The following MTCL1 variants were observed in gnomAD, a reference collection of about 807,000 sequenced individuals.
MTCL1 encodes microtubule crosslinking factor 1.
Under a neutral mutation model 141.4 loss-of-function variants are expected in MTCL1, and 79 were observed. The observed-to-expected ratio is 0.56, with a 90% CI of 0.47 to 0.67. The LOEUF (loss-of-function observed/expected upper bound fraction) is 0.67, where lower values mean the gene tolerates loss of function less well. MTCL1 is among the 30% of genes least tolerant of loss of function. The probability of loss-of-function intolerance (pLI) is 0.00; values close to 1 mark genes in which losing one functional copy is unlikely to be tolerated. For synonymous variants in MTCL1, 914 were observed against 875.8 expected, an observed-to-expected ratio of 1.04 and a Z score of -0.77; for missense variants, 2,177 against 2,113.9, an observed-to-expected ratio of 1.03 and a Z score of -0.59.
chr18:8,786,112 C>G, intron 7 of MTCL1, 21 bp downstream of exon 6: 9 of 1,362,928 alleles, frequency 6.6e-6, no homozygotes, highest in South Asian at 5.1e-5. Context: ...GCAAGCAATC[C>G]CCCCCCCCCG....
At chr18:8,715,790 G>A (rs1307500498), upstream of MTCL1, among the ~76,000 whole-genome samples, 2 of 152,180 alleles carry the variant, frequency 1.3e-5, no homozygotes, top group Admixed American at 1.3e-4. Flanking sequence ...TCTAGGAGTG[G>A]GTAGTGCAGG....
At chr18:8,812,592 G>A (rs1010102712) in intron 11 of MTCL1, among the ~76,000 whole-genome samples, 1 of 152,174 alleles carries the variant, frequency 6.6e-6, no homozygotes, top group East Asian at 1.9e-4. Flanking sequence ...CTGGGTATTT[G>A]ACAAATATTT....
chr18:8,819,442 C>T (rs2076769572), intron 13 of MTCL1, among the ~76,000 whole-genome samples, 183 bp downstream of exon 12: 1 of 152,188 alleles, frequency 6.6e-6, no homozygotes, highest in African/African-American at 2.4e-5. Context: ...CCTAAATTAG[C>T]ATGCTCTGCT....
chr18:8,720,444 A>G (rs924193384), exon 4 of MTCL1: 1 of 1,614,010 alleles, frequency 6.2e-7, no homozygotes, highest in Admixed American at 1.7e-5. Context: ...CAGATGATTG[A>G]AGTGGAAATA....
At chr18:8,771,711 C>T (rs1027814946) in intron 4 of MTCL1, among the ~76,000 whole-genome samples, 4 of 152,204 alleles carry the variant, frequency 2.6e-5, no homozygotes, top group Admixed American at 2.6e-4. Flanking sequence ...TTTATTTAAT[C>T]ATTTTCAGTA....
At chr18:8,777,807 C>A in intron 4 of MTCL1, 26 bp from the exon 4 acceptor site, 1 of 1,612,504 alleles carries the variant, frequency 6.2e-7, no homozygotes, top group Non-Finnish European at 8.5e-7. Flanking sequence ...CCCTTGGTCA[C>A]AGAATGTCAC....
exon 1 of MTCL1, chr18:8,706,422 C>G: frequency 8.1e-7 from 1 of 1,227,886 alleles, no homozygotes; most frequent in Non-Finnish European, 1.0e-6. Flanking sequence ...CGCCGAGCCC[C>G]GCAGCCCGAG....
Position 8,798,086 on chromosome 18 carries a change from G to T in MTCL1, c.2242-11G>T, listed in dbSNP as rs202058453. Reference sequence around the variant, plus strand: ...GCTGAAGCTGTGATCGTCACCTCCTGCCTGTTTCAGGGTGAACATCCAGAG... The same window carrying T: ...GCTGAAGCTGTGATCGTCACCTCCTTCCTGTTTCAGGGTGAACATCCAGAG... On this transcript the variant is annotated splice_polypyrimidine_tract_variant and intron_variant, in intron 9 of 16. Transcript: ENST00000359865. The T allele has an allele frequency of 8.5e-5, 133 of 1,569,012 alleles. No homozygotes were observed. The highest frequency in any genetic ancestry group is 3.9e-4 in the Admixed American group (19 of 49,016).
intron 4 of MTCL1, among the ~76,000 whole-genome samples, chr18:8,725,551 T>G (rs1598400155): frequency 6.6e-6 from 1 of 152,164 alleles, no homozygotes; most frequent in Non-Finnish European, 1.5e-5. Flanking sequence ...TGGGGTACAC[T>G]CTGTTATTTT....
intron 11 of MTCL1, among the ~76,000 whole-genome samples, chr18:8,811,456 T>A (rs992202731): frequency 6.6e-6 from 1 of 152,174 alleles, no homozygotes; most frequent in Non-Finnish European, 1.5e-5. Context: ...ACATCCAAAC[T>A]ACAGCACTGA....
upstream of MTCL1, among the ~76,000 whole-genome samples, chr18:8,713,186 G>A (rs993763444): frequency 2.6e-5 from 4 of 152,130 alleles, no homozygotes; most frequent in African/African-American, 7.2e-5. Context: ...GGGAATAGTC[G>A]ACTGGACTTC....
chr18:8,799,105 C>T (rs1236825283), intron 10 of MTCL1, among the ~76,000 whole-genome samples: 7 of 152,194 alleles, frequency 4.6e-5, no homozygotes, highest in Admixed American at 2.0e-4. Context: ...CAGGTGGCCA[C>T]GGGGATGCGG....
At chr18:8,795,239 A>G (rs891221189) in intron 8 of MTCL1, among the ~76,000 whole-genome samples, 4 of 152,188 alleles carry the variant, frequency 2.6e-5, no homozygotes, top group African/African-American at 7.2e-5. Context: ...TTCTATTCCC[A>G]TGGCCTCTGA....
chr18:8,756,543 G>GTATATATATGTGTATATA (rs375645531), intron 4 of MTCL1, among the ~76,000 whole-genome samples: 62 of 144,738 alleles, frequency 4.3e-4, no homozygotes, highest in African/African-American at 1.7e-3. Context: ...GTATATATGT[G>GTATATATATGTGTATATA]TATATATATG....
intron 12 of MTCL1, among the ~76,000 whole-genome samples, chr18:8,813,839 G>T (rs550136556): frequency 1.3e-5 from 2 of 152,212 alleles, no homozygotes; most frequent in Admixed American, 1.3e-4. Flanking sequence ...GAGGAGGGGG[G>T]TAGTCATTTT....
rs150609666 is a variant in MTCL1 at position 8,776,237 on chromosome 18, C to T, written c.358-1596C>T. On this transcript the variant is annotated intron_variant, in intron 4 of 16. Transcript: ENST00000359865. Reference sequence around the variant, plus strand: ...CTTTCGCAGGCTTGCCTTGACAGGTCTGGGGCCGGCAGAGCTCTGCTTCCC... The same window carrying T: ...CTTTCGCAGGCTTGCCTTGACAGGTTTGGGGCCGGCAGAGCTCTGCTTCCC... Among the ~76,000 whole-genome samples, 864 of 152,286 alleles carry T rather than the reference C, an allele frequency of 5.7e-3. 8 individuals are homozygous for T. Among genetic ancestry groups the T allele is most frequent in the Non-Finnish European group, 7.0e-3 (478 of 68,026 alleles).
At position 8,786,110 on chromosome 18, in the gene MTCL1, T is replaced by TCCCCCCCCCCCCA; in HGVS notation, c.1887+30_1887+31insCACCCCCCCCCCC. 93 of 1,310,344 alleles carry TCCCCCCCCCCCCA rather than the reference T, an allele frequency of 7.1e-5. No homozygotes were observed. Among genetic ancestry groups the TCCCCCCCCCCCCA allele is most frequent in the South Asian group, 1.8e-4 (14 of 77,208 alleles). 81.2% of individuals were successfully genotyped at this position (1,310,344 alleles called of 1,614,324 possible). ...CCTGGAGGTCAGCGTGGGCAAGCAA[T>TCCCCCCCCCCCCA]CCCCCCCCCCCGCCCTCCCCCTCCT... On this transcript the variant is annotated intron_variant, in intron 7 of 16. Transcript: ENST00000359865.
Position 8,797,374 on chromosome 18 carries a change from T to G in MTCL1, c.2242-723T>G, listed in dbSNP as rs184282898. 3.4e-3 allele frequency among the ~76,000 whole-genome samples: 522 copies of G among 152,354 alleles called. 1 individual carries two copies. Among genetic ancestry groups the G allele is most frequent in the Non-Finnish European group, 5.8e-3 (395 of 68,032 alleles). On this transcript the variant is annotated intron_variant, in intron 9 of 16. Coordinates refer to ENST00000359865, the Ensembl canonical transcript of MTCL1. ...TATGCCTCGATTCCCAGGTTTATAA[T>G]AGAAACAGAAGCGAGATCTTTGCCT...
At position 8,810,444 on chromosome 18, in the gene MTCL1, A is replaced by C. The variant is rs1329885203; in HGVS notation, c.2605-2535A>C. ...CATGAGAGACCTGAGAGGTGTGGAC[A>C]CAGAGGAGCTTGTGGGCAGAAGGAG... On this transcript the variant is annotated intron_variant, in intron 11 of 16. Transcript: ENST00000359865. This position sits in a 1 kb window ranked among gnomAD's most constrained non-coding sequence, Gnocchi z 5.0. Among the ~76,000 whole-genome samples the C allele has an allele frequency of 1.3e-5, 2 of 152,216 alleles. No individual in the cohort carries two copies. The highest frequency in any genetic ancestry group is 2.4e-5 in the African/African-American group (1 of 41,460).
Sources: gnomAD v4.1 joint callset for allele counts (sites outside exome capture counted in the v4.1 genomes callset) on GRCh38, gnomAD v4.1.1 for gene constraint, Gnocchi (gnomAD v3.1) non-coding constraint, MANE v1.5 for transcripts, NCBI Gene and HGNC (gene_info 2026-07-23, HGNC 2026-07-21) for gene names.